Variants in PLCD1 observed in about 807,000 individuals in gnomAD.
PLCD1 encodes the protein phospholipase C delta 1.
A neutral mutation model predicts 87.4 loss-of-function variants in PLCD1; 71 were observed. The ratio of observed to expected loss-of-function variants is 0.81; its 90% confidence interval spans 0.67 to 0.99. PLCD1 has a LOEUF of 0.99. Ranked by LOEUF, PLCD1 falls within the 50% of genes least tolerant of loss-of-function variation. PLCD1 has a pLI of 0.00. For missense variants in PLCD1, 867 were observed against 1,001.5 expected (o/e 0.87, Z 1.81); for synonymous variants, 348 against 399.2 (o/e 0.87, Z 1.53).
rs1700286183 is a variant in PLCD1, at chr3:38,024,677, G to GCTAGTCCACGAGCGGCGGGAC, written c.35-4346_35-4326dup. 2.7e-6 allele frequency: 4 copies of GCTAGTCCACGAGCGGCGGGAC among 1,506,786 alleles called. No homozygotes were observed. The African/African-American group carries it at 4.1e-5, about 16-fold the overall frequency. The allele number at this position is 1,506,786 out of a possible 1,614,324, so 93.3% of individuals were successfully genotyped here. On this transcript the variant is annotated intron_variant, in intron 1 of 14. Transcript: ENST00000334661. Reference sequence around the variant, plus strand: ...GGGTAGTCAGACGCTAGGAGGCGGAGCTAGTCCACGAGCGGCGGGACCTAT... The same window carrying GCTAGTCCACGAGCGGCGGGAC: ...GGGTAGTCAGACGCTAGGAGGCGGAGCTAGTCCACGAGCGGCGGGACCTAGTCCACGAGCGGCGGGACCTAT...
At position 38,016,654 on chromosome 3, in the gene PLCD1, G is replaced by A. The variant is rs1232426703; in HGVS notation, c.265C>T (p.Arg89Cys). 12 of 1,600,166 alleles carry A rather than the reference G, an allele frequency of 7.5e-6. No individual in the cohort carries two copies. Among genetic ancestry groups the A allele is most frequent in the South Asian group, 2.2e-5 (2 of 89,120 alleles). ...AAGCAGCGGTCCTCGGGCACATCAC[G>A]GGCGAACTTCTCCAGACCCTCCGTG... Reference protein sequence around the residue: ...HRTEGLEKFARDVPEDRCFSI... With the variant: ...HRTEGLEKFACDVPEDRCFSI... Residue 89 changes from arginine (R) to cysteine (C), a missense_variant, in exon 3 of 15, where the codon CGT becomes TGT. Physicochemically the swap from Arg to Cys is radical, Grantham distance 180. Transcript: ENST00000334661.
rs760905138 is a variant in PLCD1, at chr3:38,009,677, C to T, written c.1422G>A (p.Arg474=). The T allele has an allele frequency of 1.9e-6, 3 of 1,614,174 alleles. No homozygotes were observed. Among genetic ancestry groups the T allele is most frequent in the Non-Finnish European group, 1.7e-6 (2 of 1,180,018 alleles). Residue 474 remains arginine, a synonymous_variant, in exon 9 of 15, where the codon AGG becomes AGA. Coordinates refer to ENST00000334661, the MANE Select transcript of PLCD1 (RefSeq NM_006225.4). ...EAAEMEDEAV[R]SRVQHKPKED... ...CCTTGGGCTTGTGCTGCACACGGCT[C>T]CTCACTGCCTCATCCTCCATCTCAG...
intron 1 of PLCD1, chr3:38,024,042 A>C (rs1700271613): frequency 6.6e-6 from 3 of 454,424 alleles, no homozygotes; most frequent in Non-Finnish European, 1.2e-5. Flanking sequence ...CAGGCCACAT[A>C]CACGGTGCCT....
intron 1 of PLCD1, chr3:38,024,637 A>T: frequency 6.6e-7 from 1 of 1,518,944 alleles, no homozygotes; most frequent in Non-Finnish European, 8.8e-7. Context: ...GACGAGAGGG[A>T]AATCTGGGCT....
At position 38,017,502 on chromosome 3, in the gene PLCD1, G is replaced by C. The variant is rs1239703429; in HGVS notation, c.200-783C>G. On this transcript the variant is annotated intron_variant, in intron 2 of 14. Transcript: ENST00000334661. The surrounding 1 kb of genome is among the most constrained non-coding windows in gnomAD (Gnocchi z 4.7). ...CATTCTGCCCTTAGGGGAGCCAAGG[G>C]GAGGGCCCTCCCCTCACACCCAGCC... Among the ~76,000 whole-genome samples the C allele has an allele frequency of 6.6e-6, 1 of 152,114 alleles. No homozygotes were observed. Among genetic ancestry groups the C allele is most frequent in the African/African-American group, 2.4e-5 (1 of 41,424 alleles).
chr3:38,009,114 A>G lies in PLCD1; in HGVS notation c.1651T>C (p.Tyr551His), dbSNP rs756613323. 7 of 1,614,112 alleles carry G rather than the reference A, an allele frequency of 4.3e-6. No individual in the cohort carries two copies. In the East Asian group the frequency reaches 1.1e-4, roughly 26 times the overall value. ...GAGTCTGTTCTCCATCCAGCCGGGTAGATTCTGCTCAGGTGCCCCACGTTG... is the reference window on the plus strand; with the variant it reads ...GAGTCTGTTCTCCATCCAGCCGGGTGGATTCTGCTCAGGTGCCCCACGTTG... ...RHNVGHLSRI[Y>H]PAGWRTDSSN... Residue 551 changes from tyrosine to histidine, a missense_variant, in exon 11 of 15, where the codon TAC becomes CAC. By Grantham distance (83) the Tyr-to-His change is moderately conservative. Coordinates refer to ENST00000334661, the MANE Select transcript of PLCD1 (RefSeq NM_006225.4).
At chr3:38,011,986 A>G (rs932368011) in intron 3 of PLCD1, among the ~76,000 whole-genome samples, 1 of 152,166 alleles carries the variant, frequency 6.6e-6, no homozygotes, top group Admixed American at 6.5e-5. Flanking sequence ...ACCTAGGGAT[A>G]AATACTATCA....
In PLCD1 at chr3:38,009,691, C is replaced by T. The variant is rs371581009; in HGVS notation, c.1408G>A (p.Asp470Asn). 1.7e-5 allele frequency: 27 copies of T among 1,614,088 alleles called. No individual in the cohort carries two copies. Among genetic ancestry groups the T allele is most frequent in the Non-Finnish European group, 2.2e-5 (26 of 1,180,036 alleles). ...TGCACACGGCTCCTCACTGCCTCAT[C>T]CTCCATCTCAGCAGCCTCGTCTTCG... ...SDEDEAAEME[D>N]EAVRSRVQHK... Residue 470 changes from aspartate (D) to asparagine (N), a missense_variant, in exon 9 of 15, where the codon GAT becomes AAT. By Grantham distance (23) the Asp-to-Asn change is conservative (BLOSUM62 1). Transcript: ENST00000334661.
rs1421692033 is a variant in PLCD1 at position 38,009,863 on chromosome 3, T to C, written c.1287+41A>G. The C allele has an allele frequency of 1.9e-6, 3 of 1,602,022 alleles. No individual in the cohort carries two copies. In the East Asian group the frequency reaches 6.8e-5, roughly 36 times the overall value. Reference sequence around the variant, plus strand: ...GACACACCTAGCGCCCCGGCTAGGCTCCCCACCCTCCCCCAGGGATCCCCC... The same window carrying C: ...GACACACCTAGCGCCCCGGCTAGGCCCCCCACCCTCCCCCAGGGATCCCCC... On this transcript the variant is annotated intron_variant, in intron 8 of 14. Coordinates refer to ENST00000334661, the MANE Select transcript of PLCD1 (RefSeq NM_006225.4).
In PLCD1 at chr3:38,020,269, G is replaced by A. The variant is rs774417743; in HGVS notation, c.118C>T (p.Arg40Cys). Reference sequence around the variant, plus strand: ...CAGTCCTCCTGCAACTTGTAGAAGCGCTCTCTCCTCCATGAGCTGGACTTC... The same window carrying A: ...CAGTCCTCCTGCAACTTGTAGAAGCACTCTCTCCTCCATGAGCTGGACTTC... Reference protein sequence around the residue: ...KVKSSSWRRERFYKLQEDCKT... With the variant: ...KVKSSSWRRECFYKLQEDCKT... The change falls in exon 2 of 15, where the codon CGC becomes TGC. Residue 40 changes from arginine to cysteine, a missense_variant. Arg to Cys is a radical substitution (Grantham distance 180, BLOSUM62 -3). Transcript: ENST00000334661. 3.7e-6 allele frequency: 6 copies of A among 1,613,774 alleles called. No homozygotes were observed. The highest frequency in any genetic ancestry group is 2.2e-5 in the South Asian group (2 of 91,072).
chr3:38,020,130 C>T lies in PLCD1; in HGVS notation c.199+58G>A. On this transcript the variant is annotated intron_variant, in intron 2 of 14. Coordinates refer to ENST00000334661, the MANE Select transcript of PLCD1 (RefSeq NM_006225.4). Reference sequence around the variant, plus strand: ...GATCCATGACTGACCTTTGTATTTACCCAGCCCTGAGCAGATTCCACACTC... The same window carrying T: ...GATCCATGACTGACCTTTGTATTTATCCAGCCCTGAGCAGATTCCACACTC... The T allele has an allele frequency of 2.0e-6, 3 of 1,485,466 alleles. No individual in the cohort carries two copies. In the South Asian group the frequency reaches 3.4e-5, roughly 17 times the overall value. The allele number at this position is 1,485,466 out of a possible 1,614,324, so 92.0% of individuals were successfully genotyped here.
chr3:38,022,239 T>A (rs1700246284), intron 1 of PLCD1, among the ~76,000 whole-genome samples: 1 of 152,064 alleles, frequency 6.6e-6, no homozygotes, highest in Admixed American at 6.5e-5. Context: ...CCAAGGGGAG[T>A]CCCAGTGGAA....
intron 1 of PLCD1, among the ~76,000 whole-genome samples, 178 bp from the exon 2 acceptor site, chr3:38,020,530 CT>C (rs1700218621): frequency 6.6e-6 from 1 of 152,172 alleles, no homozygotes; most frequent in African/African-American, 2.4e-5. Context: ...AGAGCCTGCC[CT>C]CCTCCAGGAA....
At chr3:38,024,259 A>T in intron 1 of PLCD1, 1 of 1,320,390 alleles carries the variant, frequency 7.6e-7, no homozygotes, top group Non-Finnish European at 1.1e-6. Flanking sequence ...GCCCCGCGTT[A>T]AGGGACAAGT....
chr3:38,012,188 T>G (rs1015419415), intron 3 of PLCD1, among the ~76,000 whole-genome samples: 14 of 150,436 alleles, frequency 9.3e-5, no homozygotes, highest in East Asian at 5.8e-4. Flanking sequence ...TTTTTTTTTT[T>G]GGGTAGAGAC....
intron 1 of PLCD1, among the ~76,000 whole-genome samples, chr3:38,027,243 C>A (rs1298085275): frequency 1.3e-5 from 2 of 152,130 alleles, no homozygotes; most frequent in East Asian, 1.9e-4. Flanking sequence ...CCTTATGATG[C>A]CCCCATCATC....
Position 38,008,128 on chromosome 3 carries a change from C to G in PLCD1, c.2071G>C (p.Glu691Gln). The G allele has an allele frequency of 6.2e-7, 1 of 1,614,104 alleles. No homozygotes were observed. Among genetic ancestry groups the G allele is most frequent in the Non-Finnish European group, 8.5e-7 (1 of 1,180,026 alleles). Reference protein sequence around the residue: ...NPWWDTEFAFEVVVPDLALIR... With the variant: ...NPWWDTEFAFQVVVPDLALIR... Reference sequence around the variant, plus strand: ...AGGGCAAGGTCAGGCACAACTACCTCAAACGCAAACTCCGTGTCCCACCAT... The same window carrying G: ...AGGGCAAGGTCAGGCACAACTACCTGAAACGCAAACTCCGTGTCCCACCAT... Residue 691 changes from glutamate (E) to glutamine (Q), a missense_variant, in exon 14 of 15, where the codon GAG (glutamate) becomes CAG (glutamine). Physicochemically the swap from Glu to Gln is conservative, Grantham distance 29. Coordinates refer to ENST00000334661, the MANE Select transcript of PLCD1 (RefSeq NM_006225.4).
At position 38,008,283 on chromosome 3, in the gene PLCD1, C is replaced by T. The variant is rs78426951; in HGVS notation, c.1987G>A (p.Val663Met). 3.6e-5 allele frequency: 58 copies of T among 1,614,234 alleles called. No homozygotes were observed. Among genetic ancestry groups the T allele is most frequent in the East Asian group, 2.0e-4 (9 of 44,880 alleles). The change falls in exon 13 of 15, where the codon GTG becomes ATG. Residue 663 changes from valine (V) to methionine (M), a missense_variant. By Grantham distance (21) the Val-to-Met change is conservative. Transcript: ENST00000334661. ...DPKVTVEIHG[V>M]SRDVASRQTA... is the part of the protein sequence containing the mutation. ...TGGCGGCTGGCCACGTCCCGGCTCA[C>T]GCCATGGATCTCCACTGTCACTTTG...
chr3:38,012,513 G>T (rs1700095492), intron 3 of PLCD1, among the ~76,000 whole-genome samples: 1 of 149,264 alleles, frequency 6.7e-6, no homozygotes. Context: ...ATGTTAGAAT[G>T]AAGTTTTTTT....
Sources: gnomAD v4.1 joint callset for allele counts (sites outside exome capture counted in the v4.1 genomes callset) on GRCh38, gnomAD v4.1.1 for gene constraint, Gnocchi (gnomAD v3.1) non-coding constraint, MANE v1.5 for transcripts, NCBI Gene and HGNC (gene_info 2026-07-23, HGNC 2026-07-21) for gene names.